The following TFAP2A variants were observed in gnomAD, a reference collection of about 807,000 sequenced individuals.
TFAP2A encodes the protein transcription factor AP-2-alpha.
TFAP2A carries 7 observed loss-of-function variants against 41.5 expected under a neutral mutation model. The observed-to-expected ratio is 0.17, with a 90% CI of 0.10 to 0.32. TFAP2A has a LOEUF of 0.32. Ranked by LOEUF, TFAP2A falls within the 10% of genes least tolerant of loss-of-function variation. The pLI is 1.00. For synonymous variants in TFAP2A, 247 were observed against 242.8 expected, an observed-to-expected ratio of 1.02 and a Z score of -0.16; for missense variants, 416 against 563.3, an observed-to-expected ratio of 0.74 and a Z score of 2.65.
chr6:10,403,661 G>C (rs184064722), intron 4 of TFAP2A, among the ~76,000 whole-genome samples: 2 of 152,196 alleles, frequency 1.3e-5, no homozygotes, highest in African/African-American at 2.4e-5. Context: ...CTCACAACGT[G>C]CAGTGGAATC....
At chr6:10,415,172 G>C (rs896328752), upstream of TFAP2A, 2 of 1,507,680 alleles carry the variant, frequency 1.3e-6, no homozygotes, top group East Asian at 2.5e-5. Context: ...AGGAAGAGGA[G>C]GGCGAGGAGG....
In TFAP2A at chr6:10,398,620, C is replaced by T. The variant is rs1761885626; in HGVS notation, c.1117G>A (p.Gly373Ser). The change falls in exon 7 of 7, where the codon GGC (glycine) becomes AGC (serine). Residue 373 changes from glycine (G) to serine (S), a missense_variant. Gly to Ser is a moderately conservative substitution (Grantham distance 56). This residue lies in a region of TFAP2A where 116 missense variants were observed against 153.8 expected (regional missense o/e 0.75). Transcript: ENST00000379613. The surrounding 1 kb of genome is among the most constrained non-coding windows in gnomAD (Gnocchi z 5.3). ...NSRPNPILEP[G>S]IQSCLTHFNL... ...AAGTGGGTCAAGCAGCTCTGGATGC[C>T]GGGCTCCAGGATGGGGTTGGGCCGT... 1.2e-6 allele frequency: 2 copies of T among 1,614,140 alleles called. No homozygotes were observed. The highest frequency in any genetic ancestry group is 1.7e-6 in the Non-Finnish European group (2 of 1,180,014).
At chr6:10,406,466 CAGGCAATGGATT>C in intron 3 of TFAP2A, 1 of 389,960 alleles carries the variant, frequency 2.6e-6, no homozygotes. Flanking sequence ...AACCTTCATC[CAGGCAATGGATT>C]AAACTATCAA....
chr6:10,404,337 C>A (rs1312223934), intron 4 of TFAP2A, among the ~76,000 whole-genome samples, 171 bp downstream of exon 4: 1 of 152,132 alleles, frequency 6.6e-6, no homozygotes, highest in Non-Finnish European at 1.5e-5. Flanking sequence ...CGCTCCCCCG[C>A]CCCCAGATCC....
chr6:10,419,303 A>C, upstream of TFAP2A: 2 of 1,273,694 alleles, frequency 1.6e-6, no homozygotes, highest in South Asian at 2.5e-5. Flanking sequence ...GGCGCGCCTC[A>C]CCTACGACTC....
chr6:10,411,457 T>C (rs1213244685), intron 1 of TFAP2A: 1 of 1,573,642 alleles, frequency 6.4e-7, no homozygotes, highest in Non-Finnish European at 8.7e-7. Flanking sequence ...ATGGAGAGGG[T>C]GTCCTGAAGG....
In TFAP2A at chr6:10,396,711, A is replaced by C. The variant is rs1761779429; in HGVS notation, c.*1706T>G. ...ATAAAATAAAACTTTATTTTTAATA[A>C]TAAAATTAATGTTTCTAGTAAGGAA... is the stretch of plus-strand genomic sequence containing the variant. On this transcript the variant is annotated 3_prime_UTR_variant, in exon 7 of 7. Transcript: ENST00000379613. 6.6e-6 allele frequency: 1 copy of C among 152,558 alleles called. No homozygotes were observed. Among genetic ancestry groups the C allele is most frequent in the Non-Finnish European group, 1.5e-5 (1 of 68,036 alleles). The allele number at this position is 152,558 out of a possible 1,614,324, so 9.5% of individuals were successfully genotyped here.
intron 5 of TFAP2A, among the ~76,000 whole-genome samples, chr6:10,401,284 C>CA (rs1761995566): frequency 6.6e-6 from 1 of 152,342 alleles, no homozygotes; most frequent in South Asian, 2.1e-4. Flanking sequence ...ACTCAACCCC[C>CA]AAACCCAGAC....
upstream of TFAP2A, chr6:10,416,120 AGTCTAGATACC>A (rs1758232408): frequency 1.3e-5 from 2 of 152,222 alleles, no homozygotes; most frequent in African/African-American, 4.8e-5. Flanking sequence ...TGTGCCTGCA[AGTCTAGATACC>A]GTCTCGTGCG....
chr6:10,400,930 T>C (rs1439164978), intron 5 of TFAP2A: 1 of 463,144 alleles, frequency 2.2e-6, no homozygotes, highest in Non-Finnish European at 4.1e-6. Flanking sequence ...AACACATTCA[T>C]AAATGATATT....
chr6:10,402,738 T>G (rs1269826817), intron 4 of TFAP2A, 128 bp from the exon 5 acceptor site: 1 of 754,054 alleles, frequency 1.3e-6, no homozygotes, highest in East Asian at 2.6e-5. Flanking sequence ...CCAAGACATT[T>G]AAAGGAGGGA....
intron 1 of TFAP2A, chr6:10,411,459 T>G: frequency 1.3e-6 from 2 of 1,585,688 alleles, no homozygotes; most frequent in Non-Finnish European, 1.7e-6. Flanking sequence ...GGAGAGGGTG[T>G]CCTGAAGGAA....
In TFAP2A at chr6:10,402,656, T is replaced by C. The variant is rs752431310; in HGVS notation, c.771-46A>G. 7.2e-6 allele frequency: 10 copies of C among 1,381,642 alleles called. No homozygotes were observed. The South Asian group carries it at 1.0e-4, about 14-fold the overall frequency. 85.6% of individuals were successfully genotyped at this position (1,381,642 alleles called of 1,614,324 possible). ...AGAAAGGGATTTAGAAAACATTGGG[T>C]TGCTCTGCACCACATTAAAATCATT... On this transcript the variant is annotated intron_variant, in intron 4 of 6. Transcript: ENST00000379613.
At chr6:10,401,644 T>A (rs1414036101) in intron 5 of TFAP2A, among the ~76,000 whole-genome samples, 6 of 152,258 alleles carry the variant, frequency 3.9e-5, no homozygotes, top group Non-Finnish European at 7.3e-5. Flanking sequence ...ATGCTAGTTT[T>A]AAAATCTGTC....
rs956601689 is a variant in TFAP2A at position 10,411,695 on chromosome 6, G to T, written c.52-1360C>A. 10 of 1,591,838 alleles carry T rather than the reference G, an allele frequency of 6.3e-6. No individual in the cohort carries two copies. The African/African-American group carries it at 1.3e-4, about 21-fold the overall frequency. On this transcript the variant is annotated intron_variant, in intron 1 of 6. Transcript: ENST00000379613. ...CCCGAGCGCGCCCCACACAAAAGGCGCCGAGAGCCCCGCGCCACCCAGGAC... is the reference window on the plus strand; with the variant it reads ...CCCGAGCGCGCCCCACACAAAAGGCTCCGAGAGCCCCGCGCCACCCAGGAC...
At position 10,397,003 on chromosome 6, in the gene TFAP2A, A is replaced by T. The variant is rs1415705332; in HGVS notation, c.*1414T>A. 2 of 152,598 alleles carry T rather than the reference A, an allele frequency of 1.3e-5. No homozygotes were observed. Among genetic ancestry groups the T allele is most frequent in the Non-Finnish European group, 2.9e-5 (2 of 68,042 alleles). The allele number at this position is 152,598 out of a possible 1,614,324, so 9.5% of individuals were successfully genotyped here. ...AAAAAATACTGCCAAGAACAAAAAT[A>T]CGCCTGGGTAAAGACAGCCACTGAA... On this transcript the variant is annotated 3_prime_UTR_variant, in exon 7 of 7. Coordinates refer to ENST00000379613, the MANE Select transcript of TFAP2A (RefSeq NM_001372066.1).
At chr6:10,412,490 G>C (rs1246330501) in intron 1 of TFAP2A, 7 of 127,182 alleles carry the variant, frequency 5.5e-5, no homozygotes, top group African/African-American at 2.3e-4. Context: ...AGGAAGGGAG[G>C]GAGGGAGGGG....
chr6:10,415,032 C>G lies in TFAP2A; in HGVS notation c.-41G>C, dbSNP rs764440862. 3 of 1,614,042 alleles carry G rather than the reference C, an allele frequency of 1.9e-6. No homozygotes were observed. Among genetic ancestry groups the G allele is most frequent in the East Asian group, 4.5e-5 (2 of 44,866 alleles). On this transcript the variant is annotated 5_prime_UTR_variant, in exon 1 of 7. Transcript: ENST00000379613. ...GATATGCCCCTCTCGGTCTCGCACCCAAGTGGAGCTACTCTCTGGGTGAGC... is the reference window on the plus strand; with the variant it reads ...GATATGCCCCTCTCGGTCTCGCACCGAAGTGGAGCTACTCTCTGGGTGAGC...
At chr6:10,417,387 A>G (rs1348136622), upstream of TFAP2A, among the ~76,000 whole-genome samples, 1 of 152,188 alleles carries the variant, frequency 6.6e-6, no homozygotes, top group Non-Finnish European at 1.5e-5. Flanking sequence ...CCGGCTCTGG[A>G]CTGCCGCCCC....
Sources: allele counts gnomAD v4.1 joint callset (sites outside exome capture counted in the v4.1 genomes callset), GRCh38; gene constraint gnomAD v4.1.1; regional missense constraint gnomAD v4.1.1; non-coding constraint Gnocchi (gnomAD v3.1); transcripts MANE v1.5; gene names NCBI Gene and HGNC (gene_info 2026-07-23, HGNC 2026-07-21).